Variants in GALNT13 observed in about 807,000 individuals in gnomAD.
GALNT13 encodes UDP-GalNAc:polypeptide N-acetylgalactosaminyltransferase 13.
A neutral mutation model predicts 64.2 loss-of-function variants in GALNT13; 28 were observed. That is an observed-to-expected ratio of 0.44 (90% CI 0.32 to 0.60). The LOEUF (loss-of-function observed/expected upper bound fraction) is 0.60, where lower values mean the gene tolerates loss of function less well. Ranked by LOEUF, GALNT13 falls within the 20% of genes least tolerant of loss-of-function variation. GALNT13 has a pLI of 0.05. For missense variants in GALNT13, 577 were observed against 669.8 expected (o/e 0.86, Z 1.53); for synonymous variants, 214 against 224.6 (o/e 0.95, Z 0.42).
chr2:153,126,657 TA>T, the GALNT13 span, among the ~76,000 whole-genome samples: 43 of 152,094 alleles, frequency 2.8e-4, no homozygotes, highest in Admixed American at 2.8e-3. Flanking sequence ...GCCAATCTTG[TA>T]AAGAAACCAG....
intron 3 of GALNT13, among the ~76,000 whole-genome samples, chr2:154,033,710 C>T (rs1272275253): frequency 6.6e-6 from 1 of 152,046 alleles, no homozygotes. Flanking sequence ...GATGCTGAGG[C>T]GGTTGGATCA....
chr2:153,378,691 T>A, the GALNT13 span, among the ~76,000 whole-genome samples: 1 of 152,108 alleles, frequency 6.6e-6, no homozygotes, highest in African/African-American at 2.4e-5. Flanking sequence ...AATCATCAGA[T>A]TATGTTTTAG....
chr2:154,392,944 C>A (rs1698865181), intron 9 of GALNT13, among the ~76,000 whole-genome samples: 1 of 152,130 alleles, frequency 6.6e-6, no homozygotes, highest in Non-Finnish European at 1.5e-5. Context: ...AACAGGAATT[C>A]CTAATGAGTT....
chr2:153,602,872 T>C, the GALNT13 span, among the ~76,000 whole-genome samples: 17 of 151,828 alleles, frequency 1.1e-4, no homozygotes, highest in Admixed American at 4.6e-4. Context: ...GATCAGCAAG[T>C]TTTCCTAACT....
At chr2:153,148,246 G>T in the GALNT13 span, among the ~76,000 whole-genome samples, 1 of 151,712 alleles carries the variant, frequency 6.6e-6, no homozygotes, top group Non-Finnish European at 1.5e-5. Flanking sequence ...AATACCTTTG[G>T]TACCACCAGA....
At position 154,057,281 on chromosome 2, in the gene GALNT13, G is replaced by A. The variant is rs560527520; in HGVS notation, c.143-83056G>A. ...ACTGACCTTGTTATCTGCCTGCCTC[G>A]GCCCCCCAAAGTGGTGGGCTTATAG... On this transcript the variant is annotated intron_variant, in intron 3 of 12. Coordinates refer to ENST00000392825, the MANE Select transcript of GALNT13 (RefSeq NM_052917.4). Among the ~76,000 whole-genome samples, 32 of 152,130 alleles carry A rather than the reference G, an allele frequency of 2.1e-4. No homozygotes were observed. The East Asian group carries it at 3.7e-3, about 17-fold the overall frequency.
At chr2:153,131,110 G>A in the GALNT13 span, among the ~76,000 whole-genome samples, 1 of 152,046 alleles carries the variant, frequency 6.6e-6, no homozygotes, top group East Asian at 1.9e-4. Context: ...AATATTAATA[G>A]TAACACAGAA....
intron 3 of GALNT13, among the ~76,000 whole-genome samples, chr2:153,977,042 C>G (rs758963127): frequency 5.9e-5 from 9 of 151,940 alleles, no homozygotes; most frequent in Non-Finnish European, 1.0e-4. Context: ...TTGCTTTTGT[C>G]AATAAGGGAA....
chr2:154,436,997 G>A (rs1408823946), intron 11 of GALNT13: 2 of 152,132 alleles, frequency 1.3e-5, no homozygotes, highest in African/African-American at 4.8e-5. Flanking sequence ...GCCAACCTCA[G>A]CCTCTCCCAC....
At chr2:154,082,073 A>C (rs1701298783) in intron 3 of GALNT13, among the ~76,000 whole-genome samples, 1 of 151,792 alleles carries the variant, frequency 6.6e-6, no homozygotes, top group African/African-American at 2.4e-5. Flanking sequence ...CTATATCCAA[A>C]GGTTACAGTG....
the GALNT13 span, among the ~76,000 whole-genome samples, chr2:153,509,626 T>C: frequency 6.6e-6 from 1 of 152,234 alleles, no homozygotes; most frequent in African/African-American, 2.4e-5. Context: ...TCTATATAGA[T>C]AGGAGGTGTC....
At chr2:153,430,745 T>A in the GALNT13 span, among the ~76,000 whole-genome samples, 5,101 of 152,096 alleles carry the variant, frequency 0.034, 303 homozygotes, top group African/African-American at 0.12. Context: ...CTGCTTGAGC[T>A]ACTCATTTAA....
At chr2:153,709,681 G>A in the GALNT13 span, among the ~76,000 whole-genome samples, 3 of 151,994 alleles carry the variant, frequency 2.0e-5, no homozygotes, top group Non-Finnish European at 4.4e-5. Flanking sequence ...TCAAAGAGAT[G>A]TCTGCACTCC....
At chr2:153,336,929 A>C in the GALNT13 span, among the ~76,000 whole-genome samples, 1 of 152,176 alleles carries the variant, frequency 6.6e-6, no homozygotes, top group Non-Finnish European at 1.5e-5. Context: ...ATAGCAATTA[A>C]GTCTCATGAG....
At position 154,430,259 on chromosome 2, in the gene GALNT13, T is replaced by C. The variant is rs185756939; in HGVS notation, c.1396-8333T>C. Among the ~76,000 whole-genome samples the C allele has an allele frequency of 7.2e-5, 11 of 152,310 alleles. No individual in the cohort carries two copies. The East Asian group carries it at 2.1e-3, about 29-fold the overall frequency. ...TATGGAAAGTATTCACAATTCTAGATACCGTAAATAACATTTGTGATTCAT... is the reference window on the plus strand; with the variant it reads ...TATGGAAAGTATTCACAATTCTAGACACCGTAAATAACATTTGTGATTCAT... On this transcript the variant is annotated intron_variant, in intron 11 of 12. Transcript: ENST00000392825.
chr2:153,332,571 T>G, the GALNT13 span, among the ~76,000 whole-genome samples: 1 of 151,654 alleles, frequency 6.6e-6, no homozygotes, highest in Non-Finnish European at 1.5e-5. Context: ...CTTTCCCTCT[T>G]AGGGTGTGCA....
chr2:154,120,713 C>A (rs1681891010), intron 3 of GALNT13, among the ~76,000 whole-genome samples: 1 of 152,056 alleles, frequency 6.6e-6, no homozygotes, highest in Non-Finnish European at 1.5e-5. Context: ...AATCCAAGGG[C>A]ATGGACACTA....
intron 3 of GALNT13, among the ~76,000 whole-genome samples, chr2:154,005,395 C>A (rs1362765374): frequency 6.6e-6 from 1 of 151,970 alleles, no homozygotes; most frequent in East Asian, 1.9e-4. Flanking sequence ...AAACCTGTGC[C>A]CACTATGATA....
At chr2:153,456,785 A>G in the GALNT13 span, among the ~76,000 whole-genome samples, 4 of 152,314 alleles carry the variant, frequency 2.6e-5, no homozygotes, top group African/African-American at 9.6e-5. Context: ...CAGAACCAGG[A>G]TTTGAACCTA....
Sources: gnomAD v4.1 joint callset for allele counts (sites outside exome capture counted in the v4.1 genomes callset) on GRCh38, gnomAD v4.1.1 for gene constraint, MANE v1.5 for transcripts, NCBI Gene and HGNC (gene_info 2026-07-23, HGNC 2026-07-21) for gene names.